The following POF1B variants were observed in gnomAD, a reference collection of about 807,000 sequenced individuals.
POF1B encodes POF1B actin binding protein.
POF1B carries 53 observed loss-of-function variants against 55.3 expected under a neutral mutation model. The observed-to-expected ratio is 0.96, with a 90% confidence interval of 0.77 to 1.20. POF1B has a LOEUF of 1.20. POF1B is among the 50% of genes most tolerant of loss of function. The pLI, the probability that POF1B is intolerant of heterozygous loss-of-function variation, is 0.00. For synonymous variants in POF1B, 188 were observed against 148.3 expected (o/e 1.27, Z -1.95); for missense variants, 478 against 420.5 (o/e 1.14, Z -1.20).
chrX:85,370,316 T>C (rs898996566), intron 2 of POF1B, among the ~76,000 whole-genome samples: 3 of 111,957 alleles, frequency 2.7e-5, no homozygotes, highest in Non-Finnish European at 5.6e-5. Context: ...GAACATTAAG[T>C]CCATAGATTA....
chrX:85,377,870 C>T (rs763563211), intron 2 of POF1B, among the ~76,000 whole-genome samples: 1 of 111,821 alleles, frequency 8.9e-6, no homozygotes, highest in Non-Finnish European at 1.9e-5. Flanking sequence ...ATTTATGTTT[C>T]TTTTACTAGC....
At chrX:85,337,861 T>C (rs1306738084) in intron 6 of POF1B, among the ~76,000 whole-genome samples, 2 of 111,923 alleles carry the variant, frequency 1.8e-5, no homozygotes, top group African/African-American at 6.5e-5. Flanking sequence ...GGCAATTTAG[T>C]ACTTATTTTA....
At chrX:85,331,800 A>C (rs1932985130) in intron 6 of POF1B, among the ~76,000 whole-genome samples, 1 of 110,952 alleles carries the variant, frequency 9.0e-6, no homozygotes, top group Admixed American at 9.6e-5. Context: ...CATGACATCA[A>C]TATATTTATA....
intron 15 of POF1B, among the ~76,000 whole-genome samples, chrX:85,284,695 T>G (rs1932000819): frequency 9.0e-6 from 1 of 111,560 alleles, no homozygotes. Context: ...CCTAAAACCA[T>G]AAAAACCCTA....
chrX:85,279,349 A>G lies in POF1B; in HGVS notation c.*72T>C, dbSNP rs1931845575. The G allele has an allele frequency of 2.0e-6, 2 of 1,023,719 alleles. No individual in the cohort carries two copies. Among genetic ancestry groups the G allele is most frequent in the South Asian group, 2.3e-5 (1 of 43,931 alleles). 84.4% of individuals were successfully genotyped at this position (1,023,719 alleles called of 1,213,427 possible). ...TGGCCTTTAGTGATGGAAAAATAACAAAGTACTAATGCAGAGACACACACA... is the reference window on the plus strand; with the variant it reads ...TGGCCTTTAGTGATGGAAAAATAACGAAGTACTAATGCAGAGACACACACA... On this transcript the variant is annotated 3_prime_UTR_variant, in exon 17 of 17. Coordinates refer to ENST00000262753, the MANE Select transcript of POF1B (RefSeq NM_024921.4).
chrX:85,361,272 T>TTGTTTTA (rs1933612493), intron 3 of POF1B, among the ~76,000 whole-genome samples: 1 of 112,156 alleles, frequency 8.9e-6, no homozygotes, highest in Non-Finnish European at 1.9e-5. Flanking sequence ...GGATTGCTTT[T>TTGTTTTA]GACATTTTGT....
At chrX:85,337,996 A>T (rs1933105718) in intron 6 of POF1B, among the ~76,000 whole-genome samples, 1 of 111,836 alleles carries the variant, frequency 8.9e-6, no homozygotes, top group African/African-American at 3.2e-5. Flanking sequence ...GAAATGACAG[A>T]ATAAATGAAA....
At chrX:85,337,378 T>C (rs747705849) in intron 6 of POF1B, among the ~76,000 whole-genome samples, 1 of 111,850 alleles carries the variant, frequency 8.9e-6, no homozygotes, top group Non-Finnish European at 1.9e-5. Flanking sequence ...TTCAAGACTG[T>C]TTTTCCTATC....
Position 85,335,747 on chromosome X carries a change from TG to T in POF1B, c.724-4669del, listed in dbSNP as rs1442222199. On this transcript the variant is annotated intron_variant, in intron 6 of 16. Coordinates refer to ENST00000262753, the MANE Select transcript of POF1B (RefSeq NM_024921.4). ...TGTATATAGTAGATGTACATATTTA[TG>T]GGATGTTTGAGATATTTTCATACAG... 1.1e-4 allele frequency among the ~76,000 whole-genome samples: 12 copies of T among 110,634 alleles called. No individual in the cohort carries two copies. The East Asian group carries it at 3.4e-3, about 31-fold the overall frequency.
At chrX:85,288,653 T>C (rs1323088237) in intron 15 of POF1B, among the ~76,000 whole-genome samples, 1 of 111,250 alleles carries the variant, frequency 9.0e-6, no homozygotes, top group Non-Finnish European at 1.9e-5. Flanking sequence ...AATCAAATCA[T>C]GGGGGCTGGT....
At chrX:85,336,846 G>T (rs964606289) in intron 6 of POF1B, among the ~76,000 whole-genome samples, 3 of 111,051 alleles carry the variant, frequency 2.7e-5, no homozygotes, top group Non-Finnish European at 1.9e-5. Context: ...TGTGCTTCTG[G>T]GTTATTACTC....
Position 85,375,930 on chromosome X carries a change from C to T in POF1B, c.282+3243G>A, listed in dbSNP as rs1469384134. The stretch of plus-strand genomic sequence containing the variant: ...CCTTCTCTCACAAAAGCATGTTTTA[C>T]TTGATAAAATGCTGATGGTCACAAC... On this transcript the variant is annotated intron_variant, in intron 2 of 16. Transcript: ENST00000262753. Among the ~76,000 whole-genome samples the T allele has an allele frequency of 2.7e-5, 3 of 111,281 alleles. No homozygotes were observed. In the Admixed American group the frequency reaches 2.9e-4, roughly 11 times the overall value.
intron 15 of POF1B, among the ~76,000 whole-genome samples, chrX:85,283,950 T>A (rs182073952): frequency 1.7e-4 from 19 of 111,415 alleles, no homozygotes; most frequent in African/African-American, 5.9e-4. Context: ...GATAAGCAAC[T>A]TCAGCAAAGT....
At chrX:85,315,656 A>G (rs1304606861) in intron 8 of POF1B, 51 bp downstream of exon 8, 2 of 1,005,538 alleles carry the variant, frequency 2.0e-6, no homozygotes, top group South Asian at 5.2e-5. Flanking sequence ...AAATATCAGA[A>G]TCTACTTTGT....
At chrX:85,367,924 C>T (rs1482700722) in intron 2 of POF1B, among the ~76,000 whole-genome samples, 158 bp from the exon 3 acceptor site, 1 of 111,555 alleles carries the variant, frequency 9.0e-6, no homozygotes, top group Non-Finnish European at 1.9e-5. Flanking sequence ...AACTAAATTA[C>T]TTTGTTGTCT....
rs770250275 is a variant in POF1B at position 85,306,300 on chromosome X, C to T, written c.1198G>A (p.Ala400Thr). ...GLQDSSSKCQALEENNLSLRH... is the reference protein window; with the variant it reads ...GLQDSSSKCQTLEENNLSLRH... ...AGAGAGAGATTGTTTTCTTCCAATGCCTGGCATTTTGAACTTGAGTCTTGA... is the reference window on the plus strand; with the variant it reads ...AGAGAGAGATTGTTTTCTTCCAATGTCTGGCATTTTGAACTTGAGTCTTGA... Residue 400 changes from alanine to threonine, a missense_variant, in exon 12 of 17, where the codon GCA becomes ACA. Ala to Thr is a moderately conservative substitution (Grantham distance 58, BLOSUM62 0). Transcript: ENST00000262753. The T allele has an allele frequency of 1.7e-6, 2 of 1,208,523 alleles. No homozygotes were observed. Among genetic ancestry groups the T allele is most frequent in the Middle Eastern group, 2.3e-4 (1 of 4,337 alleles).
At chrX:85,334,475 G>T (rs762495377) in intron 6 of POF1B, among the ~76,000 whole-genome samples, 1 of 111,422 alleles carries the variant, frequency 9.0e-6, no homozygotes, top group African/African-American at 3.2e-5. Flanking sequence ...AAAATTGTTA[G>T]ATTCATGAGC....
chrX:85,296,408 G>GT (rs1569280290), intron 15 of POF1B, among the ~76,000 whole-genome samples: 2 of 111,861 alleles, frequency 1.8e-5, no homozygotes, highest in Non-Finnish European at 3.8e-5. Context: ...TATCATTTCC[G>GT]TAAGAACCTC....
chrX:85,304,460 G>A lies in POF1B; in HGVS notation c.1449C>T (p.Asn483=). The A allele has an allele frequency of 8.9e-7, 1 of 1,125,035 alleles. No homozygotes were observed. Among genetic ancestry groups the A allele is most frequent in the Non-Finnish European group, 1.2e-6 (1 of 842,821 alleles). The allele number at this position is 1,125,035 out of a possible 1,213,427, so 92.7% of individuals were successfully genotyped here. ...TCTTTGAAACATCTTTATGGTACTG[G>A]TTTAATTGGGACTAAGGATTTAAAA... ...REICRLRSQL[N]QYHKDVSKRE... Residue 483 remains asparagine (N), a synonymous_variant, in exon 14 of 17, where the codon AAC becomes AAT. Coordinates refer to ENST00000262753, the MANE Select transcript of POF1B (RefSeq NM_024921.4).
Sources: allele counts gnomAD v4.1 joint callset (sites outside exome capture counted in the v4.1 genomes callset), GRCh38; gene constraint gnomAD v4.1.1; transcripts MANE v1.5; gene names NCBI Gene and HGNC (gene_info 2026-07-23, HGNC 2026-07-21).